DNAH11: variants seen among roughly 807,000 people sequenced by gnomAD.
DNAH11 encodes axonemal beta dynein heavy chain 11.
In DNAH11, 442 loss-of-function variants were observed where a neutral mutation model predicts 526.0. The observed-to-expected ratio is 0.84, with a 90% CI of 0.78 to 0.91. The LOEUF is 0.91. Ranked by LOEUF, DNAH11 falls within the 40% of genes least tolerant of loss-of-function variation. The pLI, the probability that DNAH11 is intolerant of heterozygous loss-of-function variation, is 0.00. For missense variants in DNAH11, 6,989 were observed against 5,448.7 expected (o/e 1.28, Z -8.90); for synonymous variants, 2,461 against 1,935.9 (o/e 1.27, Z -7.12).
chr7:21,821,939 A>G (rs1055048501), intron 65 of DNAH11, among the ~76,000 whole-genome samples: 2 of 152,036 alleles, frequency 1.3e-5, no homozygotes, highest in African/African-American at 4.8e-5. Context: ...TAGCTCCTGC[A>G]TATGAGTAAG....
chr7:21,586,009 C>T (rs1784468565), intron 9 of DNAH11, among the ~76,000 whole-genome samples: 1 of 152,196 alleles, frequency 6.6e-6, no homozygotes, highest in Non-Finnish European at 1.5e-5. Context: ...GACCTTTACT[C>T]TCCTCCTGGA....
At chr7:21,874,833 A>G (rs1445572306) in intron 74 of DNAH11, among the ~76,000 whole-genome samples, 2 of 151,600 alleles carry the variant, frequency 1.3e-5, no homozygotes, top group Admixed American at 6.6e-5. Flanking sequence ...CCTTCCTCTA[A>G]TTTTTTGGAA....
chr7:21,722,429 G>A (rs1264883212), intron 44 of DNAH11, among the ~76,000 whole-genome samples: 1 of 152,116 alleles, frequency 6.6e-6, no homozygotes, highest in African/African-American at 2.4e-5. Flanking sequence ...TGTAAATGGG[G>A]CATTTACATT....
intron 2 of DNAH11, among the ~76,000 whole-genome samples, chr7:21,548,876 A>G (rs1014638844): frequency 6.6e-6 from 1 of 150,686 alleles, no homozygotes; most frequent in African/African-American, 2.4e-5. Context: ...GGAAAGAGCA[A>G]TGACAGACTT....
At chr7:21,786,477 T>G in intron 58 of DNAH11, 147 bp from the exon 59 acceptor site, 1 of 881,316 alleles carries the variant, frequency 1.1e-6, no homozygotes, top group Non-Finnish European at 1.7e-6. Context: ...CAAGGTGGAG[T>G]CCCCAGGTGG....
chr7:21,821,751 A>T (rs544792755), intron 65 of DNAH11, among the ~76,000 whole-genome samples: 3 of 152,184 alleles, frequency 2.0e-5, no homozygotes, highest in African/African-American at 4.8e-5. Flanking sequence ...AATATATAAT[A>T]AATTATTGGT....
At position 21,866,951 on chromosome 7, in the gene DNAH11, T is replaced by A. The variant is rs114191947; in HGVS notation, c.11690+288T>A. ...GGAAGAGAAATGGGTGTCAGCAGAGTTCAGAGGCCAGGAACATGCATTCAT... is the reference window on the plus strand; with the variant it reads ...GGAAGAGAAATGGGTGTCAGCAGAGATCAGAGGCCAGGAACATGCATTCAT... On this transcript the variant is annotated intron_variant, in intron 71 of 81. Coordinates refer to ENST00000409508, the MANE Select transcript of DNAH11 (RefSeq NM_001277115.2). 2.5e-3 allele frequency among the ~76,000 whole-genome samples: 387 copies of A among 152,174 alleles called. 2 individuals carry two copies. The highest frequency in any genetic ancestry group is 8.9e-3 in the African/African-American group (370 of 41,504).
rs533326857 is a variant in DNAH11 at position 21,840,245 on chromosome 7, T to A, written c.10692-2299T>A. Among the ~76,000 whole-genome samples the A allele has an allele frequency of 1.1e-4, 16 of 152,346 alleles. No homozygotes were observed. In the South Asian group the frequency reaches 2.9e-3, roughly 28 times the overall value. On this transcript the variant is annotated intron_variant, in intron 65 of 81. Coordinates refer to ENST00000409508, the MANE Select transcript of DNAH11 (RefSeq NM_001277115.2). ...CTGAATGCGATAGAACATCTTTTCT[T>A]TAGAATTTTCCCAGTTGTTCAAAAT...
Position 21,901,814 on chromosome 7 carries a change from T to A in DNAH11, c.*560T>A, listed in dbSNP as rs748677058. 10 of 164,770 alleles carry A rather than the reference T, an allele frequency of 6.1e-5. No individual in the cohort carries two copies. The highest frequency in any genetic ancestry group is 1.3e-4 in the Non-Finnish European group (10 of 74,788). The allele number at this position is 164,770 out of a possible 1,614,324, so 10.2% of individuals were successfully genotyped here. A position where few individuals can be genotyped will look rare whatever the true frequency, so the allele number is the denominator to read the frequency against. ...CCCCTTTTGTTCAGTCAAGTTTTAA[T>A]AAAAATAAAACTGTTCTACAGTTAA... On this transcript the variant is annotated 3_prime_UTR_variant, in exon 82 of 82. Coordinates refer to ENST00000409508, the MANE Select transcript of DNAH11 (RefSeq NM_001277115.2).
chr7:21,651,086 A>G (rs1158080238), intron 28 of DNAH11, among the ~76,000 whole-genome samples: 4 of 152,132 alleles, frequency 2.6e-5, no homozygotes, highest in South Asian at 2.1e-4. Flanking sequence ...AGGGCTGCCC[A>G]TATTTTGGTC....
chr7:21,786,302 ATGTGTGTGTGTGTG>A (rs58775729), intron 58 of DNAH11, among the ~76,000 whole-genome samples: 1 of 150,842 alleles, frequency 6.6e-6, no homozygotes, highest in African/African-American at 2.4e-5. Context: ...ACATATACAC[ATGTGTGTGTGTGTG>A]TGTGTGTGTG....
chr7:21,669,742 T>C (rs1782568200), intron 30 of DNAH11, among the ~76,000 whole-genome samples: 1 of 152,074 alleles, frequency 6.6e-6, no homozygotes, highest in Non-Finnish European at 1.5e-5. Context: ...TCTCTCAAGG[T>C]GCTTCATGGT....
At chr7:21,897,111 G>T (rs761788125) in intron 79 of DNAH11, among the ~76,000 whole-genome samples, 1 of 152,024 alleles carries the variant, frequency 6.6e-6, no homozygotes, top group South Asian at 2.1e-4. Flanking sequence ...ATAATTATCA[G>T]TTCCAGGTTT....
At chr7:21,707,669 T>C (rs1288781850) in intron 39 of DNAH11, 30 bp from the exon 40 acceptor site, 1 of 1,594,188 alleles carries the variant, frequency 6.3e-7, no homozygotes, top group Admixed American at 1.8e-5. Context: ...TTAGTATTAA[T>C]TTTTTTGGCT....
chr7:21,873,213 T>C (rs1394126411), intron 73 of DNAH11, 61 bp from the exon 74 acceptor site: 9 of 1,328,442 alleles, frequency 6.8e-6, no homozygotes, highest in Non-Finnish European at 6.3e-6. Flanking sequence ...GAAAATGTAA[T>C]CTTATAATTC....
At chr7:21,714,025 G>A (rs1385756627) in intron 42 of DNAH11, among the ~76,000 whole-genome samples, 6 of 152,218 alleles carry the variant, frequency 3.9e-5, no homozygotes, top group Admixed American at 3.3e-4. Flanking sequence ...TTTCCTTCAT[G>A]AGACCTCTTA....
chr7:21,720,805 T>G lies in DNAH11; in HGVS notation c.7215T>G (p.Tyr2405Ter). ...GCCCAAAAGAAGTTTATGAAGTCTA[T>G]TTTGTATTTGCTTGTATCTGGGCTT... ...SDSPKEVYEV[Y>*]FVFACIWAFG... is the part of the protein sequence containing the mutation. The change falls in exon 44 of 82, where the codon TAT (tyrosine) becomes TAG (stop). Residue 2405 changes from tyrosine to a stop codon, truncating the protein, a stop_gained. Transcript: ENST00000409508. LOFTEE classifies it high-confidence loss of function. 6.2e-7 allele frequency: 1 copy of G among 1,612,278 alleles called. No individual in the cohort carries two copies. Among genetic ancestry groups the G allele is most frequent in the Non-Finnish European group, 8.5e-7 (1 of 1,179,150 alleles).
chr7:21,848,462 A>G (rs1224702585), intron 66 of DNAH11, among the ~76,000 whole-genome samples: 1 of 151,992 alleles, frequency 6.6e-6, no homozygotes, highest in Non-Finnish European at 1.5e-5. Context: ...CTATAATTAG[A>G]TCAATATCTA....
chr7:21,657,079 T>G (rs1257075338), intron 29 of DNAH11, among the ~76,000 whole-genome samples: 1 of 152,166 alleles, frequency 6.6e-6, no homozygotes, highest in Non-Finnish European at 1.5e-5. Context: ...GTGCTCTAAT[T>G]TATTCTGTAT....
Sources: allele counts gnomAD v4.1 joint callset (sites outside exome capture counted in the v4.1 genomes callset), GRCh38; gene constraint gnomAD v4.1.1; transcripts MANE v1.5; gene names NCBI Gene and HGNC (gene_info 2026-07-23, HGNC 2026-07-21).